SNTG2: variants seen among roughly 807,000 people sequenced by gnomAD.
SNTG2 encodes syntrophin gamma 2.
Under a neutral mutation model 70.9 loss-of-function variants are expected in SNTG2, and 74 were observed. The ratio of observed to expected loss-of-function variants is 1.04; its 90% CI spans 0.86 to 1.27. The LOEUF is 1.27. Among genes scored for constraint, SNTG2 ranks in the 50% most tolerant of loss-of-function variants. The pLI is 0.00. For synonymous variants in SNTG2, 278 were observed against 273.8 expected (o/e 1.02, Z -0.15); for missense variants, 717 against 690.7 (o/e 1.04, Z -0.43).
chr2:1,100,687 A>C (rs1665731148), intron 4 of SNTG2, among the ~76,000 whole-genome samples: 1 of 152,134 alleles, frequency 6.6e-6, no homozygotes, highest in African/African-American at 2.4e-5. Flanking sequence ...TGGATAGTGG[A>C]AAGAAGGCAT....
chr2:958,609 T>C (rs1003154955), intron 1 of SNTG2, among the ~76,000 whole-genome samples: 1 of 152,224 alleles, frequency 6.6e-6, no homozygotes, highest in Non-Finnish European at 1.5e-5. Context: ...AAGTCACCAT[T>C]ATCTAAATTG....
chr2:1,106,699 C>T (rs375700022), intron 4 of SNTG2, among the ~76,000 whole-genome samples: 23 of 124,744 alleles, frequency 1.8e-4, no homozygotes, highest in African/African-American at 6.8e-4. Context: ...ATAGTGGATG[C>T]GTGCTGTCAC....
intron 15 of SNTG2, among the ~76,000 whole-genome samples, chr2:1,311,853 C>T (rs189749839): frequency 1.3e-5 from 2 of 152,278 alleles, no homozygotes; most frequent in Admixed American, 1.3e-4. Flanking sequence ...TAACTGAGGA[C>T]ATTTGTGTAT....
Position 1,239,782 on chromosome 2 carries a change from G to A in SNTG2, c.888+6G>A. On this transcript the variant is annotated splice_donor_region_variant and intron_variant, in intron 11 of 16. Coordinates refer to ENST00000308624, the MANE Select transcript of SNTG2 (RefSeq NM_018968.4). ...GCTGCTCTCCTTCCGACCAGGTAGG[G>A]TTTGTATTTTCTGCTTCATGATGTA... The A allele has an allele frequency of 6.2e-6, 10 of 1,613,032 alleles. No individual in the cohort carries two copies. Among genetic ancestry groups the A allele is most frequent in the Non-Finnish European group, 8.5e-6 (10 of 1,179,600 alleles).
chr2:1,115,015 C>T (rs1666847271), intron 4 of SNTG2, among the ~76,000 whole-genome samples: 2 of 148,896 alleles, frequency 1.3e-5, no homozygotes, highest in Admixed American at 6.7e-5. Context: ...TGAGGAGGAT[C>T]GTGTGTACTA....
intron 4 of SNTG2, among the ~76,000 whole-genome samples, chr2:1,123,938 T>C (rs1272768369): frequency 1.3e-5 from 2 of 152,154 alleles, no homozygotes; most frequent in African/African-American, 2.4e-5. Context: ...ATTGAACTCA[T>C]GGAAGCAGAG....
intron 9 of SNTG2, 65 bp downstream of exon 9, chr2:1,209,295 A>G (rs751307447): frequency 5.2e-5 from 83 of 1,599,372 alleles, no homozygotes; most frequent in Non-Finnish European, 6.7e-5. Context: ...CAGTTCCTAC[A>G]GGCCGCTGGT....
At chr2:1,145,359 G>A (rs1430545707) in intron 6 of SNTG2, among the ~76,000 whole-genome samples, 1 of 152,086 alleles carries the variant, frequency 6.6e-6, no homozygotes, top group East Asian at 1.9e-4. Flanking sequence ...TATGCAAAGA[G>A]AGAACACAAG....
chr2:1,145,939 A>G (rs867735011), intron 6 of SNTG2, among the ~76,000 whole-genome samples: 1 of 152,210 alleles, frequency 6.6e-6, no homozygotes, highest in African/African-American at 2.4e-5. Context: ...AACAAACTAA[A>G]GAAGAAAACC....
chr2:1,288,434 A>G (rs1440103352), intron 14 of SNTG2, among the ~76,000 whole-genome samples: 1 of 152,174 alleles, frequency 6.6e-6, no homozygotes, highest in African/African-American at 2.4e-5. Context: ...GTGCTCAGCT[A>G]TCCTCCAAGA....
chr2:1,098,431 C>G (rs374613510), intron 4 of SNTG2, 21 bp downstream of exon 4: 50 of 1,611,098 alleles, frequency 3.1e-5, no homozygotes, highest in Admixed American at 1.7e-5. Flanking sequence ...CCAAAATGAC[C>G]TGTGTATGCA....
intron 8 of SNTG2, among the ~76,000 whole-genome samples, chr2:1,197,969 G>A (rs1250572380): frequency 2.0e-5 from 3 of 152,088 alleles, no homozygotes; most frequent in African/African-American, 4.8e-5. Context: ...CAACAGGGAA[G>A]CATTGGATTT....
intron 12 of SNTG2, among the ~76,000 whole-genome samples, chr2:1,251,342 T>G (rs1400760213): frequency 6.6e-6 from 1 of 152,134 alleles, no homozygotes; most frequent in Non-Finnish European, 1.5e-5. Flanking sequence ...TAACTGTTAA[T>G]TACACCAATA....
At chr2:1,285,034 C>T (rs985245279) in intron 14 of SNTG2, among the ~76,000 whole-genome samples, 3 of 151,836 alleles carry the variant, frequency 2.0e-5, no homozygotes, top group African/African-American at 7.3e-5. Flanking sequence ...CACAGTAGGC[C>T]ATCCCCAAGC....
chr2:1,162,420 G>A (rs1330372496), intron 6 of SNTG2, among the ~76,000 whole-genome samples: 2 of 152,126 alleles, frequency 1.3e-5, no homozygotes, highest in Admixed American at 6.5e-5. Flanking sequence ...TTAAGGATGG[G>A]GCACGGTGAG....
Position 1,165,544 on chromosome 2 carries a change from A to C in SNTG2, c.412-4A>C. On this transcript the variant is annotated splice_region_variant and splice_polypyrimidine_tract_variant and intron_variant, in intron 6 of 16. Coordinates refer to ENST00000308624, the MANE Select transcript of SNTG2 (RefSeq NM_018968.4). Reference sequence around the variant, plus strand: ...AAAAGTAGCTATTTTTGTCATATTGACAGGTGCATCTGCTGAGAAATGCTG... The same window carrying C: ...AAAAGTAGCTATTTTTGTCATATTGCCAGGTGCATCTGCTGAGAAATGCTG... The C allele has an allele frequency of 6.2e-7, 1 of 1,610,698 alleles. No homozygotes were observed. The highest frequency in any genetic ancestry group is 8.5e-7 in the Non-Finnish European group (1 of 1,178,826).
chr2:1,044,313 A>G (rs1006825532), intron 1 of SNTG2, among the ~76,000 whole-genome samples: 2 of 152,172 alleles, frequency 1.3e-5, no homozygotes, highest in African/African-American at 4.8e-5. Flanking sequence ...GGCAGAGACA[A>G]TGAGATTTTC....
chr2:1,055,836 AG>A (rs1409993796), intron 1 of SNTG2, among the ~76,000 whole-genome samples: 10 of 152,182 alleles, frequency 6.6e-5, no homozygotes, highest in Non-Finnish European at 1.5e-4. Flanking sequence ...TTGCAGCACC[AG>A]CCCTCCCTTG....
chr2:1,239,701 T>C, intron 10 of SNTG2, 37 bp from the exon 11 acceptor site: 1 of 1,610,290 alleles, frequency 6.2e-7, no homozygotes, highest in Non-Finnish European at 8.5e-7. Context: ...CTGGTGTTGG[T>C]GGCTGTGGCC....
Sources: gnomAD v4.1 joint callset for allele counts (sites outside exome capture counted in the v4.1 genomes callset) on GRCh38, gnomAD v4.1.1 for gene constraint, MANE v1.5 for transcripts, NCBI Gene and HGNC (gene_info 2026-07-23, HGNC 2026-07-21) for gene names.